Variants in CTNNA2 observed in about 807,000 individuals in gnomAD.
CTNNA2 encodes the protein catenin alpha-2.
CTNNA2 carries 42 observed loss-of-function variants against 101.0 expected under a neutral mutation model. That is an observed-to-expected ratio of 0.42 (90% CI 0.32 to 0.54). CTNNA2 has a LOEUF of 0.54. CTNNA2 is among the 20% of genes least tolerant of loss of function. The pLI, the probability that CTNNA2 is intolerant of heterozygous loss-of-function variation, is 0.14. For missense variants in CTNNA2, 871 were observed against 1,223.1 expected (o/e 0.71, Z 4.29); for synonymous variants, 450 against 456.4 (o/e 0.99, Z 0.18).
At chr2:80,562,125 C>G (rs1693656956) in intron 12 of CTNNA2, among the ~76,000 whole-genome samples, 1 of 132,242 alleles carries the variant, frequency 7.6e-6, no homozygotes, top group Non-Finnish European at 1.8e-5. Context: ...CAGGTTATTT[C>G]ACTATCTTAG....
chr2:79,943,020 C>A (rs1279207126), intron 7 of CTNNA2, among the ~76,000 whole-genome samples: 1 of 152,056 alleles, frequency 6.6e-6, no homozygotes, highest in Non-Finnish European at 1.5e-5. Flanking sequence ...AGTTCAAGAC[C>A]ATTCTGGCCA....
chr2:80,304,907 C>CAAAA (rs56174873), intron 7 of CTNNA2, among the ~76,000 whole-genome samples: 2 of 73,838 alleles, frequency 2.7e-5, no homozygotes, highest in Non-Finnish European at 5.4e-5. Flanking sequence ...GTCCATATTT[C>CAAAA]AAAAAAAAAA....
chr2:79,399,943 G>T (rs1007676061), intron 4 of CTNNA2, among the ~76,000 whole-genome samples: 6 of 152,164 alleles, frequency 3.9e-5, no homozygotes, highest in Middle Eastern at 3.4e-3. Context: ...TTTTGCCAAA[G>T]TTAAGGATGT....
chr2:80,246,267 G>A (rs149633068), intron 7 of CTNNA2, among the ~76,000 whole-genome samples: 76 of 152,324 alleles, frequency 5.0e-4, no homozygotes, highest in Admixed American at 1.2e-3. Context: ...ATGGGGCTGG[G>A]AAGTGAGGGA....
intron 7 of CTNNA2, among the ~76,000 whole-genome samples, chr2:80,310,728 T>C (rs1431554621): frequency 6.6e-6 from 1 of 152,076 alleles, no homozygotes; most frequent in Non-Finnish European, 1.5e-5. Context: ...AAAATGTACT[T>C]TGGGAGGCCG....
chr2:80,507,862 G>A (rs567805274), intron 9 of CTNNA2, among the ~76,000 whole-genome samples: 2 of 152,284 alleles, frequency 1.3e-5, no homozygotes, highest in East Asian at 3.9e-4. Context: ...ATAGATGGCT[G>A]TCAAGGTAGG....
At chr2:79,654,882 A>G (rs1399023273) in intron 2 of CTNNA2, among the ~76,000 whole-genome samples, 1 of 152,202 alleles carries the variant, frequency 6.6e-6, no homozygotes, top group African/African-American at 2.4e-5. Context: ...CCTAGGGTTG[A>G]TTCATGAATT....
chr2:79,360,680 A>AAAGTCAC (rs1677607840), intron 3 of CTNNA2, among the ~76,000 whole-genome samples: 1 of 152,198 alleles, frequency 6.6e-6, no homozygotes, highest in Non-Finnish European at 1.5e-5. Flanking sequence ...TTTAAGGGAA[A>AAAGTCAC]ACACAAAAAG....
intron 2 of CTNNA2, among the ~76,000 whole-genome samples, chr2:79,260,305 G>A (rs1674903726): frequency 6.6e-6 from 1 of 152,128 alleles, no homozygotes; most frequent in Non-Finnish European, 1.5e-5. Flanking sequence ...GCAAATCTGT[G>A]AGTCTTCTGG....
chr2:79,543,599 A>G lies in CTNNA2; in HGVS notation c.-6+30392A>G, dbSNP rs191378703. Among the ~76,000 whole-genome samples the G allele has an allele frequency of 3.9e-3, 587 of 152,208 alleles. 2 individuals carry two copies. Among genetic ancestry groups the G allele is most frequent in the African/African-American group, 0.013 (545 of 41,544 alleles). On this transcript the variant is annotated intron_variant, in intron 1 of 18. Coordinates refer to ENST00000402739, the MANE Select transcript of CTNNA2 (RefSeq NM_001282597.3). ...AGCTCCACTGCTTCCGTCACACCCA[A>G]TTGGACCTTGTTTAATGTGTTGGTT...
At chr2:80,424,246 G>C (rs764854473) in intron 9 of CTNNA2, among the ~76,000 whole-genome samples, 1 of 152,144 alleles carries the variant, frequency 6.6e-6, no homozygotes. Context: ...GAGCCACCGT[G>C]CCCGGCCCAG....
At chr2:79,288,389 A>G (rs1675684515) in intron 2 of CTNNA2, among the ~76,000 whole-genome samples, 3 of 152,332 alleles carry the variant, frequency 2.0e-5, no homozygotes, top group African/African-American at 7.2e-5. Flanking sequence ...GGAATCCATC[A>G]TGGGTCTGTG....
intron 3 of CTNNA2, among the ~76,000 whole-genome samples, chr2:79,800,261 GTTATA>G (rs59354973): frequency 0.14 from 21,936 of 151,986 alleles, 2,474 homozygotes; most frequent in African/African-American, 0.3. Flanking sequence ...AAGCTCGCAT[GTTATA>G]TTATAAAAGA....
At chr2:80,644,106 G>C (rs1351071398) in intron 18 of CTNNA2, among the ~76,000 whole-genome samples, 1 of 152,126 alleles carries the variant, frequency 6.6e-6, no homozygotes, top group Non-Finnish European at 1.5e-5. Context: ...CTCCATGGTG[G>C]GGTTCAGATG....
At chr2:80,635,806 C>T (rs1035666103) in intron 18 of CTNNA2, among the ~76,000 whole-genome samples, 1 of 151,940 alleles carries the variant, frequency 6.6e-6, no homozygotes, top group African/African-American at 2.4e-5. Context: ...GAGACCATGG[C>T]TAGGATCAGT....
intron 7 of CTNNA2, among the ~76,000 whole-genome samples, chr2:79,979,332 A>G (rs1244388777): frequency 1.3e-5 from 2 of 152,138 alleles, no homozygotes; most frequent in Non-Finnish European, 2.9e-5. Flanking sequence ...AGAGTGAACT[A>G]TGATCATGCC....
At chr2:79,664,976 G>T (rs1381257395) in intron 2 of CTNNA2, among the ~76,000 whole-genome samples, 2 of 152,078 alleles carry the variant, frequency 1.3e-5, no homozygotes, top group Admixed American at 6.5e-5. Flanking sequence ...CTCCCAAAGT[G>T]CTAGGATTAC....
intron 2 of CTNNA2, among the ~76,000 whole-genome samples, chr2:79,217,436 G>A (rs571454660): frequency 1.3e-4 from 20 of 152,148 alleles, no homozygotes; most frequent in African/African-American, 3.4e-4. Context: ...AGGTGGGGCC[G>A]TTTTATAAGA....
At chr2:80,372,585 G>T (rs1268078310) in intron 7 of CTNNA2, among the ~76,000 whole-genome samples, 1 of 151,292 alleles carries the variant, frequency 6.6e-6, no homozygotes, top group Non-Finnish European at 1.5e-5. Context: ...TATGTCATAA[G>T]AATTAAATAA....
Sources: gnomAD v4.1 joint callset for allele counts (sites outside exome capture counted in the v4.1 genomes callset) on GRCh38, gnomAD v4.1.1 for gene constraint, MANE v1.5 for transcripts, NCBI Gene and HGNC (gene_info 2026-07-23, HGNC 2026-07-21) for gene names.